Variants in WIPF2 observed in about 807,000 individuals in gnomAD.
WIPF2 encodes the protein WAS/WASL interacting protein family member 2, also known as WAS/WASL-interacting protein family member 2.
In WIPF2, 23 loss-of-function variants were observed where a neutral mutation model predicts 38.8. The ratio of observed to expected loss-of-function variants is 0.59; its 90% CI spans 0.43 to 0.84. The LOEUF is 0.84. Among genes scored for constraint, WIPF2 ranks in the 40% least tolerant of loss-of-function variants. The pLI, the probability that WIPF2 is intolerant of heterozygous loss-of-function variation, is 0.00. For synonymous variants in WIPF2, 210 were observed against 223.2 expected (o/e 0.94, Z 0.53); for missense variants, 574 against 580.5 (o/e 0.99, Z 0.11).
At chr17:40,266,481 TGAGTAGTTTCAGTG>T (rs2032091653) in intron 5 of WIPF2, among the ~76,000 whole-genome samples, 1 of 152,150 alleles carries the variant, frequency 6.6e-6, no homozygotes, top group Non-Finnish European at 1.5e-5. Flanking sequence ...GGGACCCTTT[TGAGTAGTTTCAGTG>T]GAGTGGTGGA....
chr17:40,266,784 C>T (rs2032101547), intron 5 of WIPF2, among the ~76,000 whole-genome samples: 1 of 151,952 alleles, frequency 6.6e-6, no homozygotes, highest in South Asian at 2.1e-4. Flanking sequence ...AACAGATTGC[C>T]TGAATAATGA....
At chr17:40,223,254 C>G (rs1162964800) in intron 1 of WIPF2, among the ~76,000 whole-genome samples, 1 of 151,934 alleles carries the variant, frequency 6.6e-6, no homozygotes, top group African/African-American at 2.4e-5. Flanking sequence ...AGCAATTCTC[C>G]TGGCTCAGCC....
rs1406000231 is a variant in WIPF2, at chr17:40,279,244, CAAA to C, written c.*1020_*1022del. On this transcript the variant is annotated 3_prime_UTR_variant, in exon 8 of 8. Transcript: ENST00000323571. ...GCCCCTGGAAGGTGCTCCAGGATAA[CAAA>C]GAAGGGCAGGTTGAAGCCCCTCATG... The C allele has an allele frequency of 6.6e-6, 1 of 152,284 alleles. No individual in the cohort carries two copies. The highest frequency in any genetic ancestry group is 1.5e-5 in the Non-Finnish European group (1 of 68,058). The allele number at this position is 152,284 out of a possible 1,614,324, so 9.4% of individuals were successfully genotyped here.
chr17:40,228,938 CTT>C (rs372065186), intron 1 of WIPF2, among the ~76,000 whole-genome samples: 47 of 144,300 alleles, frequency 3.3e-4, no homozygotes, highest in African/African-American at 1.1e-3. Flanking sequence ...CGGTGGAAGA[CTT>C]TTTTTTTTTA....
At chr17:40,237,241 C>CTTGTTTTTTTTTTTT (rs2031007715) in intron 1 of WIPF2, among the ~76,000 whole-genome samples, 1 of 129,486 alleles carries the variant, frequency 7.7e-6, no homozygotes, top group African/African-American at 2.8e-5. Context: ...TCAATTTTTC[C>CTTGTTTTTTTTTTTT]TTTTTTTTTT....
chr17:40,259,476 G>T (rs1057303027), intron 2 of WIPF2, among the ~76,000 whole-genome samples: 3 of 151,786 alleles, frequency 2.0e-5, no homozygotes, highest in Non-Finnish European at 4.4e-5. Flanking sequence ...AGCAATCAGA[G>T]GGTGGAAAAG....
intron 1 of WIPF2, among the ~76,000 whole-genome samples, chr17:40,236,607 C>CT (rs56250344): frequency 0.02 from 2,702 of 133,492 alleles, 43 homozygotes; most frequent in Non-Finnish European, 0.028. Flanking sequence ...CACTCAGCCT[C>CT]TTTTTTTTTT....
At position 40,264,785 on chromosome 17, in the gene WIPF2, C is replaced by T. The variant is rs1440629994; in HGVS notation, c.609C>T (p.Tyr203=). Residue 203 remains tyrosine, a synonymous_variant, in exon 5 of 8, where the codon TAC becomes TAT. Coordinates refer to ENST00000323571, the MANE Select transcript of WIPF2 (RefSeq NM_133264.5). ...LPMHSSKAPA[Y]NREKPLPPTP... ...TGCACAGCAGCAAAGCCCCCGCCTA[C>T]AACAGAGAGAAACCCTTGCCACCGA... The T allele has an allele frequency of 3.1e-6, 5 of 1,611,400 alleles. No homozygotes were observed. The highest frequency in any genetic ancestry group is 4.2e-6 in the Non-Finnish European group (5 of 1,178,864).
Position 40,264,901 on chromosome 17 carries a change from G to A in WIPF2, c.725G>A (p.Gly242Glu), listed in dbSNP as rs1355055190. Residue 242 changes from glycine (G) to glutamate (E), a missense_variant, in exon 5 of 8, where the codon GGA becomes GAA. Gly to Glu is a moderately conservative substitution (Grantham distance 98). Coordinates refer to ENST00000323571, the MANE Select transcript of WIPF2 (RefSeq NM_133264.5). ...CCTTCCCCTGTGAATATCAGAACAG[G>A]ACCAAGTGGCCAGTCTCTGGCTCCT... ...PPPSPVNIRT[G>E]PSGQSLAPPP... 6.8e-6 allele frequency: 11 copies of A among 1,614,106 alleles called. No homozygotes were observed. The highest frequency in any genetic ancestry group is 1.1e-5 in the South Asian group (1 of 91,088).
intron 2 of WIPF2, 49 bp from the exon 3 acceptor site, chr17:40,260,486 C>A: frequency 6.2e-7 from 1 of 1,600,502 alleles, no homozygotes; most frequent in Non-Finnish European, 8.5e-7. Context: ...CGCACCCGGC[C>A]GATAAAGGGA....
rs2031731121 is a variant in WIPF2 at position 40,256,377 on chromosome 17, T to G, written c.-69-14T>G. ...GGTAAAGCTGTTCTTAATGAGTTTCTTTTTCATTTGCAGGTATATGAATGA... is the reference window on the plus strand; with the variant it reads ...GGTAAAGCTGTTCTTAATGAGTTTCGTTTTCATTTGCAGGTATATGAATGA... On this transcript the variant is annotated splice_polypyrimidine_tract_variant and intron_variant, in intron 1 of 7. Transcript: ENST00000323571. 1.3e-6 allele frequency: 2 copies of G among 1,554,608 alleles called. No individual in the cohort carries two copies. Among genetic ancestry groups the G allele is most frequent in the South Asian group, 2.5e-5 (2 of 80,282 alleles).
intron 1 of WIPF2, among the ~76,000 whole-genome samples, chr17:40,243,863 TTTA>T (rs1291919455): frequency 6.6e-6 from 1 of 152,110 alleles, no homozygotes; most frequent in Non-Finnish European, 1.5e-5. Context: ...TGTGATTTTT[TTTA>T]TTACTTGTTG....
intron 1 of WIPF2, among the ~76,000 whole-genome samples, chr17:40,232,179 A>AT (rs752876006): frequency 0.011 from 830 of 76,048 alleles, 47 homozygotes; most frequent in Non-Finnish European, 0.014. Context: ...TGCCTGGCTA[A>AT]TTTTTTTTTT....
At chr17:40,234,034 G>A (rs772466268) in intron 1 of WIPF2, among the ~76,000 whole-genome samples, 1 of 151,664 alleles carries the variant, frequency 6.6e-6, no homozygotes, top group Non-Finnish European at 1.5e-5. Flanking sequence ...TTGCACTCCA[G>A]CCTGGGCAAC....
chr17:40,229,272 C>T (rs558747187), intron 1 of WIPF2, among the ~76,000 whole-genome samples: 194 of 151,166 alleles, frequency 1.3e-3, no homozygotes, highest in African/African-American at 4.2e-3. Flanking sequence ...TCACCACGCC[C>T]GGCTAATTTT....
Position 40,265,157 on chromosome 17 carries a change from G to A in WIPF2, c.970+11G>A, listed in dbSNP as rs764420451. ...CCAGTCGGGGAGCAGGTAAGTGCTTGGAAGCACCTTTTTCCCTATCATGCT... is the reference window on the plus strand; with the variant it reads ...CCAGTCGGGGAGCAGGTAAGTGCTTAGAAGCACCTTTTTCCCTATCATGCT... On this transcript the variant is annotated intron_variant, in intron 5 of 7. Coordinates refer to ENST00000323571, the MANE Select transcript of WIPF2 (RefSeq NM_133264.5). The A allele has an allele frequency of 5.0e-6, 8 of 1,584,982 alleles. No homozygotes were observed. The highest frequency in any genetic ancestry group is 3.4e-6 in the Non-Finnish European group (4 of 1,165,848).
At chr17:40,274,874 C>T (rs1567726010) in intron 6 of WIPF2, among the ~76,000 whole-genome samples, 1 of 133,394 alleles carries the variant, frequency 7.5e-6, no homozygotes, top group Admixed American at 8.6e-5. Context: ...GAGGCTGCAG[C>T]AAACCATTGA....
intron 1 of WIPF2, among the ~76,000 whole-genome samples, chr17:40,249,579 G>A (rs1186190176): frequency 6.6e-6 from 1 of 151,328 alleles, no homozygotes; most frequent in African/African-American, 2.4e-5. Flanking sequence ...TCAGCCTCCC[G>A]AGTAGCTGGG....
chr17:40,275,485 TG>T (rs1169450207), intron 6 of WIPF2, among the ~76,000 whole-genome samples: 1 of 152,152 alleles, frequency 6.6e-6, no homozygotes, highest in East Asian at 1.9e-4. Flanking sequence ...AAGTAAAGGT[TG>T]TCCATAGGCT....
Sources: allele counts gnomAD v4.1 joint callset (sites outside exome capture counted in the v4.1 genomes callset), GRCh38; gene constraint gnomAD v4.1.1; transcripts MANE v1.5; gene names NCBI Gene and HGNC (gene_info 2026-07-23, HGNC 2026-07-21).